PRKACA: variants seen among roughly 807,000 people sequenced by gnomAD.
PRKACA encodes the protein protein kinase cAMP-activated catalytic subunit alpha, also known as cAMP-dependent protein kinase catalytic subunit alpha.
PRKACA carries 9 observed loss-of-function variants against 45.8 expected under a neutral mutation model. The ratio of observed to expected loss-of-function variants is 0.20; its 90% CI spans 0.12 to 0.34. PRKACA has a LOEUF of 0.34. PRKACA is among the 10% of genes least tolerant of loss of function. PRKACA has a pLI of 1.00. For synonymous variants in PRKACA, 160 were observed against 178.6 expected (o/e 0.90, Z 0.83); for missense variants, 238 against 458.6 (o/e 0.52, Z 4.39).
intron 1 of PRKACA, chr19:14,107,799 G>A (rs35931031): frequency 0.12 from 118,255 of 1,003,452 alleles, 7,327 homozygotes; most frequent in Admixed American, 0.18. Context: ...TGGGGAGGCC[G>A]GGCCTGGGAT....
intron 8 of PRKACA, among the ~76,000 whole-genome samples, chr19:14,094,064 A>G (rs1977174326): frequency 6.6e-6 from 1 of 151,998 alleles, no homozygotes; most frequent in Non-Finnish European, 1.5e-5. Context: ...GGGTCTCACT[A>G]CGTTGCCCAG....
In PRKACA at chr19:14,098,251, A is replaced by T. The variant is rs568339343; in HGVS notation, c.420-361T>A. The T allele has an allele frequency of 1.1e-4, 19 of 178,136 alleles. 1 individual carries two copies. Among genetic ancestry groups the T allele is most frequent in the African/African-American group, 4.5e-4 (19 of 42,612 alleles). The allele number at this position is 178,136 out of a possible 1,614,324, so 11.0% of individuals were successfully genotyped here. On this transcript the variant is annotated intron_variant, in intron 5 of 9. Transcript: ENST00000308677. ...TTATATCATGTCCACGCCCAGACAA[A>T]ACAAAGGCACGGTGTTTGAAGTCAG...
rs201100703 is a variant in PRKACA, at chr19:14,100,876, G to A, written c.369C>T (p.Tyr123=). The change falls in exon 5 of 10, where the codon TAC becomes TAT. Residue 123 remains tyrosine, a synonymous_variant. Transcript: ENST00000308677. ...GTGAGAACATCTCCCCGCCGGGCACGTACTCCATGACCATGTATAAGTTTG... is the reference window on the plus strand; with the variant it reads ...GTGAGAACATCTCCCCGCCGGGCACATACTCCATGACCATGTATAAGTTTG... ...DNSNLYMVME[Y]VPGGEMFSHL... is the part of the protein sequence containing the mutation. The A allele has an allele frequency of 1.1e-5, 18 of 1,614,066 alleles. No homozygotes were observed. The highest frequency in any genetic ancestry group is 8.0e-5 in the African/African-American group (6 of 75,054).
At chr19:14,093,866 A>G in intron 8 of PRKACA, 74 bp from the exon 9 acceptor site, 1 of 1,457,582 alleles carries the variant, frequency 6.9e-7, no homozygotes, top group Non-Finnish European at 9.3e-7. Flanking sequence ...TTCTTTCTCC[A>G]TCCAACGGTC....
rs552152264 is a variant in PRKACA, at chr19:14,101,245, A to C, written c.337-337T>G. The C allele has an allele frequency of 3.1e-5, 8 of 255,120 alleles. No homozygotes were observed. In the East Asian group the frequency reaches 6.8e-4, roughly 22 times the overall value. The allele number at this position is 255,120 out of a possible 1,614,324, so 15.8% of individuals were successfully genotyped here. ...AGGCTGCAGAATTAGTGGGGCCCAG[A>C]ATAAAAAAGATGGCCCCTGGTTAAA... On this transcript the variant is annotated intron_variant, in intron 4 of 9. Coordinates refer to ENST00000308677, the MANE Select transcript of PRKACA (RefSeq NM_002730.4).
At chr19:14,098,488 A>ATATTT (rs1273178279) in intron 5 of PRKACA, 4 of 146,864 alleles carry the variant, frequency 2.7e-5, no homozygotes, top group African/African-American at 1.0e-4. Context: ...ATATATATAT[A>ATATTT]TTTTTTTTTG....
chr19:14,097,949 G>C lies in PRKACA; in HGVS notation c.420-59C>G. ...GGTCATGCCCCAAAATGGTCCAGCA[G>C]GTGGCCCTGCAGAGCCTACCCCAGA... On this transcript the variant is annotated intron_variant, in intron 5 of 9. Transcript: ENST00000308677. The surrounding 1 kb of genome is among the most constrained non-coding windows in gnomAD (Gnocchi z 5.4). The C allele has an allele frequency of 6.2e-7, 1 of 1,605,004 alleles. No homozygotes were observed. Among genetic ancestry groups the C allele is most frequent in the Non-Finnish European group, 8.5e-7 (1 of 1,174,000 alleles).
At chr19:14,109,989 T>TAC (rs1966916806) in intron 1 of PRKACA, among the ~76,000 whole-genome samples, 1 of 81,814 alleles carries the variant, frequency 1.2e-5, no homozygotes, top group African/African-American at 6.6e-5. Flanking sequence ...TATATATATA[T>TAC]ATATATATAT....
At chr19:14,115,159 T>C in intron 1 of PRKACA, 1 of 962,746 alleles carries the variant, frequency 1.0e-6, no homozygotes, top group Non-Finnish European at 1.2e-6. Flanking sequence ...TGTGACATAG[T>C]CCCATTGGCA....
At chr19:14,102,094 GCA>G (rs1284853959) in intron 4 of PRKACA, among the ~76,000 whole-genome samples, 1 of 151,992 alleles carries the variant, frequency 6.6e-6, no homozygotes, top group Admixed American at 6.6e-5. Context: ...AACCCAGGAG[GCA>G]GAGGTTGTAG....
chr19:14,117,149 G>A (rs1036943304), intron 1 of PRKACA, among the ~76,000 whole-genome samples: 3 of 151,306 alleles, frequency 2.0e-5, no homozygotes, highest in Admixed American at 6.6e-5. Context: ...GGTGAGAGAG[G>A]TGAGTGAGGA....
Position 14,097,270 on chromosome 19 carries a change from TG to T in PRKACA, c.765+90del. On this transcript the variant is annotated intron_variant, in intron 8 of 9. Transcript: ENST00000308677. The surrounding 1 kb of genome is among the most constrained non-coding windows in gnomAD (Gnocchi z 5.4). ...GACTTAAGGAACTTCTAGATTATTCTGACAACAAGCAGGGCTCCCCAGGGAA... is the reference window on the plus strand; with the variant it reads ...GACTTAAGGAACTTCTAGATTATTCTACAACAAGCAGGGCTCCCCAGGGAA... 6.3e-7 allele frequency: 1 copy of T among 1,591,222 alleles called. No individual in the cohort carries two copies. Among genetic ancestry groups the T allele is most frequent in the Non-Finnish European group, 8.6e-7 (1 of 1,162,802 alleles).
intron 1 of PRKACA, among the ~76,000 whole-genome samples, chr19:14,109,312 G>A (rs761790264): frequency 3.3e-5 from 5 of 151,822 alleles, no homozygotes; most frequent in Non-Finnish European, 4.4e-5. Context: ...GTAAAACCCC[G>A]TTTCTACTAA....
rs1027385633 is a variant in PRKACA, at chr19:14,092,941, C to G, written c.*171G>C. ...AGGGGGAGCAGCTGGTGTTTCTGTCCCTCTGATTATCTGGGCTTCCTGCTC... is the reference window on the plus strand; with the variant it reads ...AGGGGGAGCAGCTGGTGTTTCTGTCGCTCTGATTATCTGGGCTTCCTGCTC... On this transcript the variant is annotated 3_prime_UTR_variant, in exon 10 of 10. Coordinates refer to ENST00000308677, the MANE Select transcript of PRKACA (RefSeq NM_002730.4). The G allele has an allele frequency of 6.0e-5, 48 of 795,582 alleles. No homozygotes were observed. The highest frequency in any genetic ancestry group is 8.8e-5 in the Non-Finnish European group (47 of 532,428). 49.3% of individuals were successfully genotyped at this position (795,582 alleles called of 1,614,324 possible). A position where few individuals can be genotyped will look rare whatever the true frequency, so the allele number is the denominator to read the frequency against.
chr19:14,107,550 C>T (rs1183005403), intron 1 of PRKACA, 141 bp from the exon 2 acceptor site: 10 of 1,312,896 alleles, frequency 7.6e-6, no homozygotes, highest in Non-Finnish European at 1.0e-5. Context: ...CCTCTGGGGC[C>T]TTGGCTGGGC....
At chr19:14,100,767 G>C in intron 5 of PRKACA, 59 bp downstream of exon 5, 1 of 1,535,698 alleles carries the variant, frequency 6.5e-7, no homozygotes, top group Non-Finnish European at 9.0e-7. Context: ...GGGCTTGGTC[G>C]TGCACTGCCA....
intron 1 of PRKACA, among the ~76,000 whole-genome samples, chr19:14,109,999 T>TATATATAC (rs1555774928): frequency 9.6e-4 from 53 of 55,436 alleles, no homozygotes; most frequent in South Asian, 3.2e-3. Context: ...TATATATATA[T>TATATATAC]ACACACACAC....
At position 14,117,658 on chromosome 19, in the gene PRKACA, C is replaced by T; in HGVS notation, c.-111G>A. 1 of 537,664 alleles carries T rather than the reference C, an allele frequency of 1.9e-6. No homozygotes were observed. Among genetic ancestry groups the T allele is most frequent in the Non-Finnish European group, 2.4e-6 (1 of 422,670 alleles). The allele number at this position is 537,664 out of a possible 1,614,324, so 33.3% of individuals were successfully genotyped here. A position where few individuals can be genotyped will look rare whatever the true frequency, so the allele number is the denominator to read the frequency against. ...GCGGCGGCGGCGGCCCTCGGGCTGG[C>T]TGCGCTAGCTGCGGCGCCGCGACCC... On this transcript the variant is annotated 5_prime_UTR_variant, in exon 1 of 10. Transcript: ENST00000308677.
At chr19:14,107,728 G>GA (rs1568536066) in intron 1 of PRKACA, 10 of 1,114,752 alleles carry the variant, frequency 9.0e-6, no homozygotes, top group Non-Finnish European at 1.1e-6. Flanking sequence ...CCATGGCCAG[G>GA]GCCGACGCCA....
Sources: gnomAD v4.1 joint callset for allele counts (sites outside exome capture counted in the v4.1 genomes callset) on GRCh38, gnomAD v4.1.1 for gene constraint, Gnocchi (gnomAD v3.1) non-coding constraint, MANE v1.5 for transcripts, NCBI Gene and HGNC (gene_info 2026-07-23, HGNC 2026-07-21) for gene names.